UIMC1: variants seen among roughly 807,000 people sequenced by gnomAD.
The protein encoded by UIMC1 is BRCA1-A complex subunit RAP80.
In UIMC1, 42 loss-of-function variants were observed where a neutral mutation model predicts 84.9. The observed-to-expected ratio is 0.49, with a 90% CI of 0.39 to 0.64. The LOEUF (loss-of-function observed/expected upper bound fraction) is 0.64, where lower values mean the gene tolerates loss of function less well. Ranked by LOEUF, UIMC1 falls within the 30% of genes least tolerant of loss-of-function variation. The pLI is 0.00. For missense variants in UIMC1, 825 were observed against 847.6 expected, an observed-to-expected ratio of 0.97 and a Z score of 0.33; for synonymous variants, 281 against 293.0, an observed-to-expected ratio of 0.96 and a Z score of 0.42.
chr5:176,934,118 T>C (rs1448083448), intron 10 of UIMC1, among the ~76,000 whole-genome samples: 1 of 152,178 alleles, frequency 6.6e-6, no homozygotes, highest in Non-Finnish European at 1.5e-5. Context: ...CTTTTGGGTC[T>C]TTTAGGCCCC....
chr5:176,929,992 A>G (rs1005749851), intron 10 of UIMC1, among the ~76,000 whole-genome samples: 1 of 152,252 alleles, frequency 6.6e-6, no homozygotes. Flanking sequence ...CTTCACTAGT[A>G]AATGTTTACC....
At chr5:176,979,663 G>C (rs1392891091) in intron 2 of UIMC1, among the ~76,000 whole-genome samples, 2 of 151,928 alleles carry the variant, frequency 1.3e-5, no homozygotes, top group African/African-American at 4.8e-5. Flanking sequence ...TAAGAGAAGA[G>C]GGATTCTCAG....
At chr5:176,920,861 T>A (rs1267841871) in intron 10 of UIMC1, among the ~76,000 whole-genome samples, 1 of 152,244 alleles carries the variant, frequency 6.6e-6, no homozygotes, top group African/African-American at 2.4e-5. Flanking sequence ...TGTTTCTGAT[T>A]TTGGGGAAAG....
intron 1 of UIMC1, among the ~76,000 whole-genome samples, chr5:177,015,895 C>T (rs1255387879): frequency 6.6e-6 from 1 of 151,974 alleles, no homozygotes; most frequent in East Asian, 1.9e-4. Context: ...CATGGTGAAA[C>T]CCTGTCTCTA....
At chr5:176,996,105 C>A (rs1398226383) in intron 1 of UIMC1, among the ~76,000 whole-genome samples, 1 of 152,048 alleles carries the variant, frequency 6.6e-6, no homozygotes, top group Non-Finnish European at 1.5e-5. Context: ...AATTGCTCAA[C>A]AATAAAACGG....
intron 1 of UIMC1, among the ~76,000 whole-genome samples, chr5:176,988,042 G>T (rs558588743): frequency 1.7e-3 from 240 of 144,880 alleles, no homozygotes; most frequent in African/African-American, 5.9e-3. Context: ...GAGGATGGAG[G>T]ATCAATTGAG....
chr5:177,008,104 C>CA (rs751754930), upstream of UIMC1, among the ~76,000 whole-genome samples: 627 of 91,142 alleles, frequency 6.9e-3, 2 homozygotes, highest in African/African-American at 0.019. Context: ...GACTCTGTCT[C>CA]AAAAAAAAAA....
chr5:176,918,072 T>C (rs571300963), intron 10 of UIMC1, among the ~76,000 whole-genome samples: 249 of 152,378 alleles, frequency 1.6e-3, no homozygotes, highest in African/African-American at 5.7e-3. Flanking sequence ...ACTTCTATCA[T>C]TGCACAAGTT....
chr5:176,909,427 C>T (rs916159575), intron 11 of UIMC1, among the ~76,000 whole-genome samples: 9 of 152,080 alleles, frequency 5.9e-5, no homozygotes, highest in Admixed American at 5.2e-4. Flanking sequence ...GCCCTTTAAT[C>T]ACAATTCTCA....
At position 176,983,245 on chromosome 5, in the gene UIMC1, C is replaced by T. The variant is rs926409092; in HGVS notation, c.-8-622G>A. ...TATAGCCCTCTCCCTCTCCCCCTCC[C>T]CCTCCTCCTCTCCCTCCTTTCTTCA... On this transcript the variant is annotated intron_variant, in intron 1 of 14. Coordinates refer to ENST00000511320, the MANE Select transcript of UIMC1 (RefSeq NM_001199298.2). Among the ~76,000 whole-genome samples, 12 of 152,132 alleles carry T rather than the reference C, an allele frequency of 7.9e-5. No homozygotes were observed. In the East Asian group the frequency reaches 2.1e-3, roughly 27 times the overall value.
At chr5:176,990,199 C>G (rs1057171938) in intron 1 of UIMC1, among the ~76,000 whole-genome samples, 5 of 150,286 alleles carry the variant, frequency 3.3e-5, no homozygotes, top group Non-Finnish European at 7.4e-5. Flanking sequence ...AAAACAAAAA[C>G]AAAGAAAGAA....
At chr5:176,981,534 T>C (rs1771055158) in intron 2 of UIMC1, among the ~76,000 whole-genome samples, 1 of 152,092 alleles carries the variant, frequency 6.6e-6, no homozygotes, top group South Asian at 2.1e-4. Flanking sequence ...GATGCAGTGG[T>C]TCACATCTGT....
Position 176,971,216 on chromosome 5 carries a change from G to C in UIMC1, c.233-350C>G, listed in dbSNP as rs146939639. On this transcript the variant is annotated intron_variant, in intron 3 of 14. Coordinates refer to ENST00000511320, the MANE Select transcript of UIMC1 (RefSeq NM_001199298.2). Reference sequence around the variant, plus strand: ...AACAGAGGAATTAATGCCCACTCTAGAGCTTTTTGCTAAATACCGCAACGC... The same window carrying C: ...AACAGAGGAATTAATGCCCACTCTACAGCTTTTTGCTAAATACCGCAACGC... Among the ~76,000 whole-genome samples the C allele has an allele frequency of 9.1e-3, 1,386 of 152,302 alleles. 8 individuals are homozygous for C. The highest frequency in any genetic ancestry group is 0.025 in the South Asian group (120 of 4,816).
At chr5:176,960,093 C>A (rs1218684443) in intron 6 of UIMC1, among the ~76,000 whole-genome samples, 1 of 152,172 alleles carries the variant, frequency 6.6e-6, no homozygotes, top group Non-Finnish European at 1.5e-5. Context: ...ACTTTACATT[C>A]CTTATCTCCT....
intron 9 of UIMC1, among the ~76,000 whole-genome samples, chr5:176,943,787 T>C (rs1327783823): frequency 1.3e-5 from 2 of 152,260 alleles, no homozygotes; most frequent in African/African-American, 2.4e-5. Flanking sequence ...ACACTCTATA[T>C]GTATTACTCA....
chr5:176,981,681 G>C (rs1413805661), intron 2 of UIMC1, among the ~76,000 whole-genome samples: 1 of 151,966 alleles, frequency 6.6e-6, no homozygotes, highest in African/African-American at 2.4e-5. Context: ...TGAGCCTGTA[G>C]TCCCAACTAC....
intron 1 of UIMC1, among the ~76,000 whole-genome samples, chr5:176,986,538 CAAAAA>C (rs34922824): frequency 2.5e-5 from 2 of 79,408 alleles, no homozygotes; most frequent in African/African-American, 5.9e-5. Flanking sequence ...ACCCTGTCTC[CAAAAA>C]AAAAAAAAAA....
At chr5:176,957,931 C>A (rs1445827035) in intron 7 of UIMC1, among the ~76,000 whole-genome samples, 162 bp downstream of exon 7, 1 of 152,216 alleles carries the variant, frequency 6.6e-6, no homozygotes, top group Non-Finnish European at 1.5e-5. Flanking sequence ...AGATGCACAT[C>A]TGAGAACTTA....
chr5:177,006,181 G>A (rs949530247), intron 1 of UIMC1: 1 of 152,224 alleles, frequency 6.6e-6, no homozygotes, highest in Non-Finnish European at 1.5e-5. Context: ...CCCCCCAGGT[G>A]TGAAAGGGAC....
Sources: gnomAD v4.1 joint callset for allele counts (sites outside exome capture counted in the v4.1 genomes callset) on GRCh38, gnomAD v4.1.1 for gene constraint, MANE v1.5 for transcripts, NCBI Gene and HGNC (gene_info 2026-07-23, HGNC 2026-07-21) for gene names.